Variants in UBE2K observed in about 807,000 individuals in gnomAD.
The protein encoded by UBE2K is ubiquitin conjugating enzyme E2 K, also known as ubiquitin-conjugating enzyme E2 K.
In UBE2K, 6 loss-of-function variants were observed where a neutral mutation model predicts 30.0. The observed-to-expected ratio is 0.20, with a 90% CI of 0.11 to 0.39. The LOEUF is 0.39. UBE2K is among the 10% of genes least tolerant of loss of function. The probability of loss-of-function intolerance (pLI) is 1.00; values close to 1 mark genes in which losing one functional copy is unlikely to be tolerated. For synonymous variants in UBE2K, 86 were observed against 83.7 expected (o/e 1.03, Z -0.15); for missense variants, 61 against 241.6 (o/e 0.25, Z 4.96).
chr4:39,700,533 T>C lies in UBE2K; in HGVS notation c.63+2143T>C, dbSNP rs1447007752. Among the ~76,000 whole-genome samples, 11 of 152,320 alleles carry C rather than the reference T, an allele frequency of 7.2e-5. 1 individual carries two copies. The highest frequency in any genetic ancestry group is 6.5e-4 in the Admixed American group (10 of 15,296). ...CCAATAAATAGCTTATTTTCACCAG[T>C]ATTTTTTGATATTTTAGTAGCCCCA... On this transcript the variant is annotated intron_variant, in intron 1 of 6. Coordinates refer to ENST00000261427, the MANE Select transcript of UBE2K (RefSeq NM_005339.5).
At chr4:39,769,311 T>G (rs896201814) in intron 4 of UBE2K, among the ~76,000 whole-genome samples, 3 of 149,638 alleles carry the variant, frequency 2.0e-5, no homozygotes, top group Non-Finnish European at 4.4e-5. Context: ...TCCTAAAAAA[T>G]GTTTTTTCTT....
rs28702416 is a variant in UBE2K at position 39,702,564 on chromosome 4, A to C, written c.63+4174A>C. ...CTACTGCACCTGGCCAACATTTTCT[A>C]GTCTCATAGGGCGTGTTTAAATCTA... is the stretch of plus-strand genomic sequence containing the variant. On this transcript the variant is annotated intron_variant, in intron 1 of 6. Coordinates refer to ENST00000261427, the MANE Select transcript of UBE2K (RefSeq NM_005339.5). 3.3e-3 allele frequency among the ~76,000 whole-genome samples: 508 copies of C among 151,968 alleles called. 2 individuals carry two copies. Among genetic ancestry groups the C allele is most frequent in the African/African-American group, 0.011 (475 of 41,500 alleles).
chr4:39,734,383 T>G (rs1192608388), intron 1 of UBE2K, among the ~76,000 whole-genome samples: 1 of 152,132 alleles, frequency 6.6e-6, no homozygotes, highest in Non-Finnish European at 1.5e-5. Flanking sequence ...CTGACCAGAA[T>G]GCTTTTTCAT....
chr4:39,775,005 TTA>T, intron 5 of UBE2K, 72 bp downstream of exon 5: 1 of 932,490 alleles, frequency 1.1e-6, no homozygotes, highest in Non-Finnish European at 1.6e-6. Flanking sequence ...GGTTTGCACA[TTA>T]ACACATGAGC....
chr4:39,702,482 G>A (rs1426545155), intron 1 of UBE2K, among the ~76,000 whole-genome samples: 1 of 151,692 alleles, frequency 6.6e-6, no homozygotes, highest in Non-Finnish European at 1.5e-5. Context: ...TTGAACTCCC[G>A]ACCTCAGGTG....
At chr4:39,759,047 TA>T (rs1711691985) in intron 4 of UBE2K, among the ~76,000 whole-genome samples, 1 of 152,178 alleles carries the variant, frequency 6.6e-6, no homozygotes. Context: ...TTTACTGAGG[TA>T]TAATTGACAT....
At chr4:39,730,874 A>G in intron 1 of UBE2K, among the ~76,000 whole-genome samples, 1 of 131,196 alleles carries the variant, frequency 7.6e-6, no homozygotes, top group African/African-American at 2.9e-5. Flanking sequence ...CAGTGGCGTG[A>G]TCTCTGCTCA....
At chr4:39,769,159 T>C (rs1455563546) in intron 4 of UBE2K, among the ~76,000 whole-genome samples, 1 of 151,466 alleles carries the variant, frequency 6.6e-6, no homozygotes, top group East Asian at 1.9e-4. Context: ...CAAATTTTAA[T>C]GTGCATCAGA....
intron 4 of UBE2K, chr4:39,771,464 G>A (rs1367915033): frequency 1.3e-6 from 2 of 1,541,276 alleles, no homozygotes; most frequent in Non-Finnish European, 1.7e-6. Flanking sequence ...ACCCTGGCCC[G>A]GTTCCGCGCG....
intron 2 of UBE2K, 59 bp from the exon 3 acceptor site, chr4:39,745,693 T>C: frequency 1.7e-6 from 2 of 1,146,734 alleles, no homozygotes; most frequent in Non-Finnish European, 2.6e-6. Context: ...CATCAGTATA[T>C]TTGTCTTATA....
intron 1 of UBE2K, among the ~76,000 whole-genome samples, chr4:39,700,359 AG>A (rs1408995357): frequency 1.3e-5 from 2 of 152,268 alleles, no homozygotes; most frequent in Admixed American, 6.5e-5. Context: ...GCAAACAGAC[AG>A]GTTTTTTGTT....
chr4:39,781,817 C>T lies in UBE2K; in HGVS notation c.*3383C>T, dbSNP rs1713629024. 5 of 396,946 alleles carry T rather than the reference C, an allele frequency of 1.3e-5. 1 individual carries two copies. In the South Asian group the frequency reaches 6.6e-4, roughly 52 times the overall value. 24.6% of individuals were successfully genotyped at this position (396,946 alleles called of 1,614,324 possible). A position where few individuals can be genotyped will look rare whatever the true frequency, so the allele number is the denominator to read the frequency against. ...TTTCTAGTTCAAGGAATTTCAATTC[C>T]AGGGTACAAACCATTGATTTAAAAA... On this transcript the variant is annotated 3_prime_UTR_variant, in exon 7 of 7. Coordinates refer to ENST00000261427, the MANE Select transcript of UBE2K (RefSeq NM_005339.5).
intron 1 of UBE2K, among the ~76,000 whole-genome samples, chr4:39,715,186 C>T (rs938276544): frequency 4.6e-5 from 7 of 151,800 alleles, no homozygotes; most frequent in South Asian, 2.1e-4. Context: ...CCACCACGCC[C>T]GGATAATTTT....
chr4:39,765,944 C>T (rs1438152744), intron 4 of UBE2K, among the ~76,000 whole-genome samples: 3 of 142,916 alleles, frequency 2.1e-5, no homozygotes, highest in African/African-American at 5.4e-5. Flanking sequence ...TACATACACA[C>T]ACACACATAC....
At chr4:39,699,273 G>A (rs1354220305) in intron 1 of UBE2K, among the ~76,000 whole-genome samples, 1 of 152,150 alleles carries the variant, frequency 6.6e-6, no homozygotes, top group East Asian at 1.9e-4. Context: ...GTTGTGCCAC[G>A]AAACTTCATT....
At chr4:39,729,917 TCTTA>T (rs1719978975) in intron 1 of UBE2K, among the ~76,000 whole-genome samples, 1 of 152,234 alleles carries the variant, frequency 6.6e-6, no homozygotes, top group African/African-American at 2.4e-5. Flanking sequence ...GGAAGCTTCC[TCTTA>T]CTTTCTAGAT....
rs1713539508 is a variant in UBE2K at position 39,780,362 on chromosome 4, A to T, written c.*1928A>T. 1 of 152,164 alleles carries T rather than the reference A, an allele frequency of 6.6e-6. No individual in the cohort carries two copies. The allele number at this position is 152,164 out of a possible 1,614,324, so 9.4% of individuals were successfully genotyped here. ...ATTAGTAGAATTTGGGTTTAAAAAT[A>T]TCAGACACATCTACCCAGTTTATTT... is the stretch of plus-strand genomic sequence containing the variant. On this transcript the variant is annotated 3_prime_UTR_variant, in exon 7 of 7. Transcript: ENST00000261427.
At position 39,759,484 on chromosome 4, in the gene UBE2K, G is replaced by A. The variant is rs539295271; in HGVS notation, c.299+3745G>A. Among the ~76,000 whole-genome samples, 89 of 152,086 alleles carry A rather than the reference G, an allele frequency of 5.9e-4. 1 individual carries two copies. Among genetic ancestry groups the A allele is most frequent in the Admixed American group, 5.4e-3 (83 of 15,266 alleles). ...TTTTTAGTAGAGACAGGGTTCCACC[G>A]TGTTGGCCAGGCTGGTCTCAAACTC... is the stretch of plus-strand genomic sequence containing the variant. On this transcript the variant is annotated intron_variant, in intron 4 of 6. Transcript: ENST00000261427.
At chr4:39,737,331 AAG>A (rs1474871591) in intron 1 of UBE2K, 87 bp from the exon 2 acceptor site, 4 of 644,222 alleles carry the variant, frequency 6.2e-6, no homozygotes, top group Non-Finnish European at 1.0e-5. Context: ...AAGCTTATGA[AAG>A]AGGGGGTTTC....
Sources: allele counts gnomAD v4.1 joint callset (sites outside exome capture counted in the v4.1 genomes callset), GRCh38; gene constraint gnomAD v4.1.1; transcripts MANE v1.5; gene names NCBI Gene and HGNC (gene_info 2026-07-23, HGNC 2026-07-21).